The following TRPS1 variants were observed in gnomAD, a reference collection of about 807,000 sequenced individuals.
TRPS1 encodes the protein zinc finger transcription factor Trps1.
Under a neutral mutation model 101.2 loss-of-function variants are expected in TRPS1, and 6 were observed. That is an observed-to-expected ratio of 0.06 (90% CI 0.03 to 0.12). The LOEUF (loss-of-function observed/expected upper bound fraction) is 0.12. Ranked by LOEUF, TRPS1 falls within the 10% of genes least tolerant of loss-of-function variation. The pLI is 1.00. For synonymous variants in TRPS1, 578 were observed against 589.8 expected (o/e 0.98, Z 0.29); for missense variants, 1,363 against 1,567.0 (o/e 0.87, Z 2.20).
chr8:115,573,912 C>T (rs533893539), intron 5 of TRPS1, among the ~76,000 whole-genome samples: 6 of 152,198 alleles, frequency 3.9e-5, no homozygotes, highest in Middle Eastern at 3.4e-3. Context: ...TCTTCCTTTC[C>T]GAAACAAGCT....
intron 1 of TRPS1, chr8:115,637,386 A>C: frequency 1.2e-6 from 1 of 818,188 alleles, no homozygotes; most frequent in Non-Finnish European, 1.5e-6. Flanking sequence ...TGTAGACGGA[A>C]GAAGGGAAAG....
chr8:115,433,666 A>G (rs1813376128), intron 5 of TRPS1, among the ~76,000 whole-genome samples: 1 of 152,154 alleles, frequency 6.6e-6, no homozygotes, highest in Admixed American at 6.5e-5. Context: ...ATAATGCAAG[A>G]AAGTACTTCA....
At chr8:115,467,472 T>C (rs1432843784) in intron 5 of TRPS1, among the ~76,000 whole-genome samples, 1 of 152,146 alleles carries the variant, frequency 6.6e-6, no homozygotes, top group Non-Finnish European at 1.5e-5. Flanking sequence ...TTGCCTTTTG[T>C]ACCCAAATAA....
chr8:115,542,422 A>C (rs772345653), intron 5 of TRPS1, among the ~76,000 whole-genome samples: 29 of 152,164 alleles, frequency 1.9e-4, no homozygotes, highest in Non-Finnish European at 4.0e-4. Context: ...TTAGATCTTT[A>C]AAGCTATTAT....
At chr8:115,610,554 A>G (rs1297726740) in intron 3 of TRPS1, among the ~76,000 whole-genome samples, 1 of 152,080 alleles carries the variant, frequency 6.6e-6, no homozygotes, top group Non-Finnish European at 1.5e-5. Flanking sequence ...CACTGTAACA[A>G]CTCCCTTATT....
intron 5 of TRPS1, among the ~76,000 whole-genome samples, chr8:115,474,172 C>T (rs1814542169): frequency 6.6e-6 from 1 of 151,980 alleles, no homozygotes; most frequent in Non-Finnish European, 1.5e-5. Context: ...CATTTATTTC[C>T]CTGCTAGCAT....
chr8:115,552,739 G>A (rs1414925259), intron 5 of TRPS1, among the ~76,000 whole-genome samples: 1 of 152,012 alleles, frequency 6.6e-6, no homozygotes, highest in Non-Finnish European at 1.5e-5. Flanking sequence ...TATAATTTTT[G>A]TAACCATTTG....
chr8:115,535,463 C>T (rs1167661640), intron 5 of TRPS1, among the ~76,000 whole-genome samples: 1 of 147,268 alleles, frequency 6.8e-6, no homozygotes, highest in African/African-American at 2.5e-5. Context: ...GCATATATAG[C>T]ATATACATAT....
intron 5 of TRPS1, among the ~76,000 whole-genome samples, chr8:115,442,575 GTGTGTA>G (rs902885227): frequency 2.0e-5 from 3 of 151,810 alleles, no homozygotes. Context: ...GTGTGTGTGT[GTGTGTA>G]TGTGTGTGTG....
chr8:115,576,453 C>T (rs1185386330), intron 5 of TRPS1, among the ~76,000 whole-genome samples: 1 of 152,044 alleles, frequency 6.6e-6, no homozygotes, highest in Non-Finnish European at 1.5e-5. Flanking sequence ...TTGCTTGACT[C>T]TGCAATTGTA....
At chr8:115,628,048 T>C (rs1818549682) in intron 1 of TRPS1, among the ~76,000 whole-genome samples, 1 of 151,814 alleles carries the variant, frequency 6.6e-6, no homozygotes, top group Non-Finnish European at 1.5e-5. Flanking sequence ...ACTGAGAACT[T>C]ATACCTGTAA....
At chr8:115,456,026 C>T (rs539247539) in intron 5 of TRPS1, among the ~76,000 whole-genome samples, 7 of 152,022 alleles carry the variant, frequency 4.6e-5, no homozygotes, top group Non-Finnish European at 1.0e-4. Flanking sequence ...CCTCATGATC[C>T]GCCCGCCTAG....
intron 5 of TRPS1, among the ~76,000 whole-genome samples, chr8:115,535,000 T>C (rs1002016142): frequency 2.0e-5 from 3 of 149,168 alleles, no homozygotes; most frequent in Admixed American, 6.8e-5. Context: ...TAAATATATA[T>C]AGCATATATA....
At chr8:115,535,624 G>A (rs1816298762) in intron 5 of TRPS1, among the ~76,000 whole-genome samples, 1 of 150,694 alleles carries the variant, frequency 6.6e-6, no homozygotes, top group Non-Finnish European at 1.5e-5. Context: ...CACTTTGGGA[G>A]GCCGAGGTGG....
chr8:115,513,411 T>G (rs1815631330), intron 5 of TRPS1, among the ~76,000 whole-genome samples: 1 of 151,670 alleles, frequency 6.6e-6, no homozygotes. Context: ...TGGTTTGCAA[T>G]TAGGTGCTCA....
chr8:115,420,988 C>CT (rs145159726), intron 5 of TRPS1, among the ~76,000 whole-genome samples: 2,345 of 138,386 alleles, frequency 0.017, 47 homozygotes, highest in African/African-American at 0.046. Context: ...TACTGTGATT[C>CT]TTTTTTTTTT....
Position 115,615,914 on chromosome 8 carries a change from G to A in TRPS1, c.966+3218C>T, listed in dbSNP as rs565942002. On this transcript the variant is annotated intron_variant, in intron 3 of 6. Coordinates refer to ENST00000395715, the MANE Select transcript of TRPS1 (RefSeq NM_014112.5). Reference sequence around the variant, plus strand: ...AGCTAACCAATCATGCTGCATCTATGATTTTTACAAATTTAAGCATGACAA... The same window carrying A: ...AGCTAACCAATCATGCTGCATCTATAATTTTTACAAATTTAAGCATGACAA... Among the ~76,000 whole-genome samples, 327 of 152,328 alleles carry A rather than the reference G, an allele frequency of 2.1e-3. 2 individuals are homozygous for A. The highest frequency in any genetic ancestry group is 3.1e-3 in the South Asian group (15 of 4,826).
Position 115,413,275 on chromosome 8 carries a change from G to C in TRPS1, c.*748C>G, listed in dbSNP as rs1003184174. 1 of 152,386 alleles carries C rather than the reference G, an allele frequency of 6.6e-6. No individual in the cohort carries two copies. The highest frequency in any genetic ancestry group is 1.5e-5 in the Non-Finnish European group (1 of 68,034). 9.4% of individuals were successfully genotyped at this position (152,386 alleles called of 1,614,324 possible). A position where few individuals can be genotyped will look rare whatever the true frequency, so the allele number is the denominator to read the frequency against. ...TCGAGGACATTGTTTTTTAAAATGG[G>C]TACATGTGTGGACAAAATGAATCTA... On this transcript the variant is annotated 3_prime_UTR_variant, in exon 7 of 7. Coordinates refer to ENST00000395715, the MANE Select transcript of TRPS1 (RefSeq NM_014112.5).
At chr8:115,512,257 A>T (rs1464068641) in intron 5 of TRPS1, among the ~76,000 whole-genome samples, 2 of 151,744 alleles carry the variant, frequency 1.3e-5, no homozygotes, top group African/African-American at 2.4e-5. Context: ...GAGGACAAAA[A>T]AGGAGAGAAG....
Sources: gnomAD v4.1 joint callset for allele counts (sites outside exome capture counted in the v4.1 genomes callset) on GRCh38, gnomAD v4.1.1 for gene constraint, MANE v1.5 for transcripts, NCBI Gene and HGNC (gene_info 2026-07-23, HGNC 2026-07-21) for gene names.